CSMD1: variants seen among roughly 807,000 people sequenced by gnomAD.
CSMD1 encodes CUB and sushi domain-containing protein 1.
CSMD1 carries 213 observed loss-of-function variants against 417.5 expected under a neutral mutation model. That is an observed-to-expected ratio of 0.51 (90% confidence interval 0.46 to 0.57). The LOEUF (loss-of-function observed/expected upper bound fraction) is 0.57, where lower values mean the gene tolerates loss of function less well. CSMD1 is among the 20% of genes least tolerant of loss of function. The probability of loss-of-function intolerance (pLI) is 0.00; values close to 1 mark genes in which losing one functional copy is unlikely to be tolerated. For synonymous variants in CSMD1, 2,862 were observed against 1,736.8 expected (o/e 1.65, Z -16.11); for missense variants, 6,923 against 4,529.7 (o/e 1.53, Z -15.17).
At chr8:4,980,438 G>T (rs188424214) in intron 1 of CSMD1, among the ~76,000 whole-genome samples, 9 of 152,344 alleles carry the variant, frequency 5.9e-5, no homozygotes, top group Admixed American at 5.2e-4. Flanking sequence ...GAAGGAGTTT[G>T]TCAGGCGAGG....
At chr8:4,470,744 C>T (rs1186473530) in intron 2 of CSMD1, among the ~76,000 whole-genome samples, 1 of 152,124 alleles carries the variant, frequency 6.6e-6, no homozygotes, top group African/African-American at 2.4e-5. Context: ...AGAAAAACAC[C>T]ATGAATGACT....
At position 3,634,712 on chromosome 8, in the gene CSMD1, C is replaced by T. The variant is rs193143803; in HGVS notation, c.1010-17915G>A. 7.2e-4 allele frequency among the ~76,000 whole-genome samples: 110 copies of T among 152,202 alleles called. 1 individual carries two copies. In the East Asian group the frequency reaches 0.017, roughly 24 times the overall value. ...GAAAGGTGTGATTAGAACTGTGCTGCCTACTCAGCCTTTCTGGATTGAGCC... is the reference window on the plus strand; with the variant it reads ...GAAAGGTGTGATTAGAACTGTGCTGTCTACTCAGCCTTTCTGGATTGAGCC... On this transcript the variant is annotated intron_variant, in intron 7 of 69. Transcript: ENST00000635120.
chr8:3,829,160 G>A (rs897404335), intron 5 of CSMD1, among the ~76,000 whole-genome samples: 1 of 152,044 alleles, frequency 6.6e-6, no homozygotes, highest in East Asian at 1.9e-4. Flanking sequence ...TCTATTTGTT[G>A]TCTTTTATCC....
In CSMD1 at chr8:3,151,413, T is replaced by C. The variant is rs1271557585; in HGVS notation, c.6015A>G (p.Ser2005=). 1 of 1,588,496 alleles carries C rather than the reference T, an allele frequency of 6.3e-7. No individual in the cohort carries two copies. Among genetic ancestry groups the C allele is most frequent in the South Asian group, 1.1e-5 (1 of 90,396 alleles). The change falls in exon 40 of 70, where the codon TCA becomes TCG. Residue 2005 remains serine (S), a synonymous_variant. Transcript: ENST00000635120. ...TTCACTTACCATAGCCGATGGGTAA[T>C]GAGATCCTCCAGGTGCAGTCTAAGT... ...PNNLDCTWRI[S]LPIGYGAHIQ... is the part of the protein sequence containing the mutation.
rs115882294 is a variant in CSMD1 at position 3,326,997 on chromosome 8, C to G, written c.3631+16297G>C. Among the ~76,000 whole-genome samples the G allele has an allele frequency of 4.9e-3, 741 of 151,096 alleles. 4 individuals are homozygous for G. Among genetic ancestry groups the G allele is most frequent in the African/African-American group, 0.017 (700 of 41,080 alleles). On this transcript the variant is annotated intron_variant, in intron 23 of 69. Coordinates refer to ENST00000635120, the MANE Select transcript of CSMD1 (RefSeq NM_033225.6). ...CTCAAGACCTGCCTGGGCAATAGAG[C>G]AAGACCCTACTCTCCACTAAAAGGA...
intron 1 of CSMD1, among the ~76,000 whole-genome samples, chr8:4,939,936 T>G (rs1268921798): frequency 6.6e-6 from 1 of 152,192 alleles, no homozygotes; most frequent in Non-Finnish European, 1.5e-5. Flanking sequence ...ATTTGTCAAT[T>G]AAAATATAAA....
intron 54 of CSMD1, among the ~76,000 whole-genome samples, chr8:2,994,179 GAAGA>G (rs1806667999): frequency 8.2e-6 from 1 of 121,788 alleles, no homozygotes; most frequent in Non-Finnish European, 1.7e-5. Flanking sequence ...AAAGCAAGAA[GAAGA>G]AAGAAAGTAA....
chr8:3,257,389 T>A (rs1585823664), intron 26 of CSMD1, among the ~76,000 whole-genome samples: 1 of 152,188 alleles, frequency 6.6e-6, no homozygotes, highest in East Asian at 1.9e-4. Context: ...GACACATCAA[T>A]CAACAAATTA....
rs568205099 is a variant in CSMD1, at chr8:4,627,455, T to C, written c.302+9887A>G. ...GATTTGATACCTGAAGAAAAAAGAA[T>C]AGAAGTAAATTAACAATTTTACTGA... On this transcript the variant is annotated intron_variant, in intron 2 of 69. Coordinates refer to ENST00000635120, the MANE Select transcript of CSMD1 (RefSeq NM_033225.6). Among the ~76,000 whole-genome samples the C allele has an allele frequency of 5.2e-4, 79 of 152,172 alleles. 1 individual carries two copies. The highest frequency in any genetic ancestry group is 1.0e-3 in the Non-Finnish European group (69 of 68,020).
chr8:3,387,678 C>A lies in CSMD1; in HGVS notation c.2598G>T (p.Val866=). 1 of 1,593,658 alleles carries A rather than the reference C, an allele frequency of 6.3e-7. No individual in the cohort carries two copies. The highest frequency in any genetic ancestry group is 8.5e-7 in the Non-Finnish European group (1 of 1,169,810). The change falls in exon 18 of 70, where the codon GTG becomes GTT. Residue 866 remains valine, a synonymous_variant. Transcript: ENST00000635120. ...CCAGGCAGGAATCCGACTCAAGCGT[C>A]ACACCTGGATGCACAGAACGAATGC... ...SIGFLIHYES[V]TLESDSCLDP...
chr8:3,835,947 A>G (rs1350722349), intron 5 of CSMD1, among the ~76,000 whole-genome samples: 2 of 152,118 alleles, frequency 1.3e-5, no homozygotes, highest in East Asian at 1.9e-4. Context: ...GGGTCCAGGA[A>G]TAGAACTTTT....
chr8:3,828,885 C>T (rs1802208388), intron 5 of CSMD1, among the ~76,000 whole-genome samples: 1 of 152,250 alleles, frequency 6.6e-6, no homozygotes, highest in African/African-American at 2.4e-5. Flanking sequence ...CATCACCAAC[C>T]CCATGTTCAC....
At chr8:3,708,544 C>G (rs1017945273) in intron 6 of CSMD1, 53 bp from the exon 7 acceptor site, 33 of 1,490,334 alleles carry the variant, frequency 2.2e-5, no homozygotes, top group Non-Finnish European at 3.0e-5. Context: ...GATCATAAAA[C>G]CATGTTGTAT....
intron 68 of CSMD1, among the ~76,000 whole-genome samples, chr8:2,947,964 C>CT (rs1233901486): frequency 1.3e-5 from 2 of 148,386 alleles, no homozygotes; most frequent in Admixed American, 6.8e-5. Context: ...GGCCAGTAGA[C>CT]TTTTTTTATA....
At chr8:3,798,869 T>C (rs1264907691) in intron 5 of CSMD1, among the ~76,000 whole-genome samples, 2 of 151,758 alleles carry the variant, frequency 1.3e-5, no homozygotes, top group East Asian at 1.9e-4. Flanking sequence ...TTTTCCTTTG[T>C]TCATACAGAC....
At chr8:4,802,573 G>A (rs1269666042) in intron 1 of CSMD1, among the ~76,000 whole-genome samples, 3 of 152,112 alleles carry the variant, frequency 2.0e-5, no homozygotes, top group Non-Finnish European at 4.4e-5. Flanking sequence ...TTTATGAAGA[G>A]ATCACAATGT....
intron 2 of CSMD1, among the ~76,000 whole-genome samples, chr8:4,541,777 A>C (rs902161621): frequency 2.6e-5 from 4 of 152,122 alleles, no homozygotes; most frequent in Non-Finnish European, 5.9e-5. Flanking sequence ...AATCACTCTT[A>C]TATCACCATG....
At chr8:4,441,564 T>C (rs1476046100) in intron 2 of CSMD1, among the ~76,000 whole-genome samples, 2 of 152,154 alleles carry the variant, frequency 1.3e-5, no homozygotes, top group African/African-American at 2.4e-5. Flanking sequence ...TGAAAGCCTA[T>C]CTCATCTATG....
intron 3 of CSMD1, among the ~76,000 whole-genome samples, chr8:4,043,846 C>T (rs77878961): frequency 6.1e-4 from 93 of 152,168 alleles, no homozygotes; most frequent in African/African-American, 1.9e-3. Flanking sequence ...ATTTCACATA[C>T]AAAAATGATG....
Sources: gnomAD v4.1 joint callset for allele counts (sites outside exome capture counted in the v4.1 genomes callset) on GRCh38, gnomAD v4.1.1 for gene constraint, MANE v1.5 for transcripts, NCBI Gene and HGNC (gene_info 2026-07-23, HGNC 2026-07-21) for gene names.